MICU1: variants seen among roughly 807,000 people sequenced by gnomAD.
MICU1 encodes calcium uptake protein 1, mitochondrial.
Under a neutral mutation model 56.8 loss-of-function variants are expected in MICU1, and 45 were observed. The observed-to-expected ratio is 0.79, with a 90% confidence interval of 0.62 to 1.02. The LOEUF (loss-of-function observed/expected upper bound fraction) is 1.02, where lower values mean the gene tolerates loss of function less well. MICU1 is among the 50% of genes least tolerant of loss of function. MICU1 has a pLI of 0.00. For synonymous variants in MICU1, 186 were observed against 195.1 expected, an observed-to-expected ratio of 0.95 and a Z score of 0.39; for missense variants, 504 against 587.1, an observed-to-expected ratio of 0.86 and a Z score of 1.46.
At chr10:72,608,012 G>C (rs1197590426) in intron 1 of MICU1, among the ~76,000 whole-genome samples, 2 of 152,038 alleles carry the variant, frequency 1.3e-5, no homozygotes, top group African/African-American at 4.8e-5. Flanking sequence ...AGTAAAGAGA[G>C]GAAGAAAATT....
chr10:72,601,180 G>C (rs1841522931), intron 1 of MICU1, among the ~76,000 whole-genome samples: 1 of 152,116 alleles, frequency 6.6e-6, no homozygotes, highest in African/African-American at 2.4e-5. Flanking sequence ...CCAACATTTT[G>C]AGAGGCCAGG....
At chr10:72,433,983 G>C (rs1864629198) in intron 8 of MICU1, among the ~76,000 whole-genome samples, 1 of 152,048 alleles carries the variant, frequency 6.6e-6, no homozygotes, top group African/African-American at 2.4e-5. Flanking sequence ...GAATAGAATG[G>C]GGGCATTTAC....
intron 8 of MICU1, among the ~76,000 whole-genome samples, chr10:72,458,641 T>A (rs890194327): frequency 6.6e-6 from 1 of 151,808 alleles, no homozygotes; most frequent in East Asian, 1.9e-4. Context: ...GGTCAATGAT[T>A]CTTTCTTAAC....
chr10:72,608,782 T>C (rs1427496417), intron 1 of MICU1, among the ~76,000 whole-genome samples: 1 of 152,238 alleles, frequency 6.6e-6, no homozygotes, highest in Non-Finnish European at 1.5e-5. Flanking sequence ...CACCTACTCT[T>C]GTAACAAGTA....
chr10:72,536,320 A>T (rs931360865), intron 4 of MICU1, among the ~76,000 whole-genome samples: 1 of 152,128 alleles, frequency 6.6e-6, no homozygotes, highest in Non-Finnish European at 1.5e-5. Context: ...TACAATTATT[A>T]TGTCAATTTA....
intron 3 of MICU1, among the ~76,000 whole-genome samples, chr10:72,555,044 A>C (rs773578251): frequency 6.6e-6 from 1 of 152,098 alleles, no homozygotes; most frequent in Non-Finnish European, 1.5e-5. Flanking sequence ...AAAAAAACCC[A>C]AAACAAACAA....
chr10:72,509,207 G>T (rs539574768), intron 5 of MICU1, among the ~76,000 whole-genome samples: 1 of 152,116 alleles, frequency 6.6e-6, no homozygotes, highest in African/African-American at 2.4e-5. Context: ...AAATATTTAA[G>T]GAATTATTTT....
At chr10:72,409,134 A>T (rs192073651) in intron 9 of MICU1, among the ~76,000 whole-genome samples, 18 of 152,280 alleles carry the variant, frequency 1.2e-4, no homozygotes, top group Admixed American at 1.3e-4. Flanking sequence ...CTAAGAAGGG[A>T]AAACACTGGG....
At chr10:72,439,513 C>T (rs929368854) in intron 8 of MICU1, among the ~76,000 whole-genome samples, 1 of 152,140 alleles carries the variant, frequency 6.6e-6, no homozygotes, top group South Asian at 2.1e-4. Flanking sequence ...CCCTCTCTCA[C>T]CACTCCTATT....
chr10:72,541,634 A>T (rs1255893536), intron 4 of MICU1, among the ~76,000 whole-genome samples: 1 of 151,986 alleles, frequency 6.6e-6, no homozygotes, highest in Non-Finnish European at 1.5e-5. Flanking sequence ...TGCCCACCAA[A>T]CTATCCATAA....
In MICU1 at chr10:72,395,900, G is replaced by A. The variant is rs563513753; in HGVS notation, c.1180+12029C>T. Among the ~76,000 whole-genome samples the A allele has an allele frequency of 9.2e-5, 14 of 152,354 alleles. No individual in the cohort carries two copies. The South Asian group carries it at 2.5e-3, about 27-fold the overall frequency. On this transcript the variant is annotated intron_variant, in intron 10 of 11. Transcript: ENST00000361114. ...AATTTCTGCTGACTTAAATGTCCCT[G>A]TCTGACAGCTCTGAAGAGAGCAGTT...
At chr10:72,616,027 A>G (rs545056081) in intron 1 of MICU1, among the ~76,000 whole-genome samples, 2 of 152,270 alleles carry the variant, frequency 1.3e-5, no homozygotes, top group South Asian at 4.1e-4. Context: ...AAACATGTTC[A>G]ATCTTTCTAC....
intron 4 of MICU1, among the ~76,000 whole-genome samples, chr10:72,540,045 A>T (rs1446944485): frequency 6.6e-6 from 1 of 152,150 alleles, no homozygotes; most frequent in Non-Finnish European, 1.5e-5. Context: ...AGACAGGTGA[A>T]TCACCTGAGG....
At chr10:72,501,452 TG>T (rs1201773060) in intron 6 of MICU1, among the ~76,000 whole-genome samples, 2 of 151,236 alleles carry the variant, frequency 1.3e-5, no homozygotes, top group Non-Finnish European at 3.0e-5. Context: ...TTTAATAAAA[TG>T]AAAAAAACAA....
In MICU1 at chr10:72,420,882, C is replaced by T. The variant is rs115697018; in HGVS notation, c.1071+2352G>A. ...GTGGAGACAAGGTTTCGCCACTTTG[C>T]CCAAGCTGGTCTTGAACTTCTGGGC... On this transcript the variant is annotated intron_variant, in intron 9 of 11. Coordinates refer to ENST00000361114, the MANE Select transcript of MICU1 (RefSeq NM_001195518.2). Among the ~76,000 whole-genome samples the T allele has an allele frequency of 1.1e-3, 169 of 150,916 alleles. 1 individual carries two copies. Among genetic ancestry groups the T allele is most frequent in the African/African-American group, 3.9e-3 (160 of 41,128 alleles).
chr10:72,375,350 C>T (rs147425674), intron 11 of MICU1, among the ~76,000 whole-genome samples: 15 of 152,298 alleles, frequency 9.8e-5, no homozygotes, highest in African/African-American at 2.9e-4. Flanking sequence ...ACAGACACAA[C>T]AGACCACTGT....
chr10:72,548,196 G>A (rs1839943845), intron 4 of MICU1, among the ~76,000 whole-genome samples: 1 of 152,146 alleles, frequency 6.6e-6, no homozygotes, highest in South Asian at 2.1e-4. Context: ...ACTAACTGCT[G>A]CAGCAGCAAC....
chr10:72,442,875 G>T (rs1308328429), intron 8 of MICU1, among the ~76,000 whole-genome samples: 2 of 152,078 alleles, frequency 1.3e-5, no homozygotes, highest in African/African-American at 4.8e-5. Context: ...TCCTGTCTCA[G>T]CCTCCTGAGT....
intron 6 of MICU1, among the ~76,000 whole-genome samples, chr10:72,500,302 ATTTTTTTTTTTTTTT>A (rs542725786): frequency 9.4e-4 from 10 of 10,674 alleles, no homozygotes; most frequent in African/African-American, 1.5e-3. Context: ...ATATATATAT[ATTTTTTTTTTTTTTT>A]TTTTTTTTTT....
Sources: gnomAD v4.1 joint callset for allele counts (sites outside exome capture counted in the v4.1 genomes callset) on GRCh38, gnomAD v4.1.1 for gene constraint, MANE v1.5 for transcripts, NCBI Gene and HGNC (gene_info 2026-07-23, HGNC 2026-07-21) for gene names.